NEGR1: variants seen among roughly 807,000 people sequenced by gnomAD.
NEGR1 encodes the protein neuronal growth regulator 1, also known as IgLON family member 4.
A neutral mutation model predicts 40.9 loss-of-function variants in NEGR1; 10 were observed. The observed-to-expected ratio is 0.24, with a 90% confidence interval of 0.15 to 0.42. NEGR1 has a LOEUF of 0.42. Among genes scored for constraint, NEGR1 ranks in the 10% least tolerant of loss-of-function variants. NEGR1 has a pLI of 1.00. For synonymous variants in NEGR1, 185 were observed against 166.8 expected (o/e 1.11, Z -0.84); for missense variants, 352 against 438.9 (o/e 0.80, Z 1.77).
chr1:71,873,051 T>G (rs1660323877), intron 2 of NEGR1, among the ~76,000 whole-genome samples: 1 of 139,812 alleles, frequency 7.2e-6, no homozygotes, highest in Admixed American at 7.6e-5. Context: ...GCTCTACCAC[T>G]CAATTCCTAA....
At chr1:71,792,672 A>G (rs1657160116) in intron 2 of NEGR1, among the ~76,000 whole-genome samples, 1 of 152,098 alleles carries the variant, frequency 6.6e-6, no homozygotes, top group African/African-American at 2.4e-5. Flanking sequence ...TGTATATAAC[A>G]TGGTGCTTTT....
intron 1 of NEGR1, among the ~76,000 whole-genome samples, chr1:71,961,086 T>C (rs1042258169): frequency 8.5e-5 from 13 of 152,164 alleles, no homozygotes; most frequent in Non-Finnish European, 1.5e-4. Flanking sequence ...TATTCTTTTA[T>C]TGCCTATCTA....
chr1:71,807,401 A>T (rs1415671216), intron 2 of NEGR1, among the ~76,000 whole-genome samples: 2 of 152,164 alleles, frequency 1.3e-5, no homozygotes, highest in African/African-American at 4.8e-5. Flanking sequence ...AAAGAACAAT[A>T]AAAAATAACA....
chr1:71,697,905 A>G (rs1653537975), intron 4 of NEGR1, 103 bp downstream of exon 4: 9 of 1,141,592 alleles, frequency 7.9e-6, no homozygotes, highest in Non-Finnish European at 1.1e-5. Flanking sequence ...ATTTTTACCA[A>G]TAGACAACCT....
intron 4 of NEGR1, among the ~76,000 whole-genome samples, chr1:71,616,907 A>C (rs972795816): frequency 6.6e-6 from 1 of 152,230 alleles, no homozygotes; most frequent in Admixed American, 6.5e-5. Context: ...TTAAATTACA[A>C]GTTCTTTGTA....
intron 1 of NEGR1, among the ~76,000 whole-genome samples, chr1:72,068,393 C>T (rs2100505645): frequency 6.6e-6 from 1 of 152,262 alleles, no homozygotes; most frequent in South Asian, 2.1e-4. Context: ...TTACCATATG[C>T]TTATAAAACC....
chr1:71,982,412 G>C (rs1646361738), intron 1 of NEGR1, among the ~76,000 whole-genome samples: 1 of 152,142 alleles, frequency 6.6e-6, no homozygotes, highest in Admixed American at 6.6e-5. Flanking sequence ...ACAGCATCTT[G>C]ATGGTACAAT....
chr1:71,581,762 G>T (rs1649142276), intron 6 of NEGR1, among the ~76,000 whole-genome samples: 1 of 151,392 alleles, frequency 6.6e-6, no homozygotes. Context: ...CAGTGCAGTG[G>T]CGTGTTCTCG....
rs1647650300 is a variant in NEGR1, at chr1:72,074,808, C to G, written c.177-139497G>C. On this transcript the variant is annotated intron_variant, in intron 1 of 6. Transcript: ENST00000357731. ...ATAAATTATCACTCATATTGTAGAA[C>G]CAAAGAAAATGATGATTTCTCCATT... 2.0e-5 allele frequency among the ~76,000 whole-genome samples: 3 copies of G among 152,024 alleles called. No individual in the cohort carries two copies. The South Asian group carries it at 6.2e-4, about 32-fold the overall frequency.
intron 6 of NEGR1, among the ~76,000 whole-genome samples, chr1:71,576,243 C>A (rs935549174): frequency 4.6e-5 from 7 of 152,156 alleles, no homozygotes; most frequent in African/African-American, 1.7e-4. Context: ...GTATAAATGG[C>A]TGCTGTTTTG....
chr1:71,554,961 T>C (rs1304019115), intron 6 of NEGR1, among the ~76,000 whole-genome samples: 1 of 151,542 alleles, frequency 6.6e-6, no homozygotes, highest in Non-Finnish European at 1.5e-5. Flanking sequence ...CCCAAAATAC[T>C]CAACGGTCTT....
At chr1:71,567,126 A>G (rs1294630706) in intron 6 of NEGR1, among the ~76,000 whole-genome samples, 2 of 152,206 alleles carry the variant, frequency 1.3e-5, no homozygotes, top group Non-Finnish European at 1.5e-5. Context: ...AGTGAAACTG[A>G]CAGAAGAGAA....
intron 4 of NEGR1, among the ~76,000 whole-genome samples, chr1:71,613,466 G>C (rs916883991): frequency 7.9e-5 from 12 of 151,922 alleles, no homozygotes; most frequent in African/African-American, 2.9e-4. Context: ...GGCCAACGTG[G>C]TGAAACCCCG....
At chr1:71,941,506 T>C (rs1046046349) in intron 1 of NEGR1, among the ~76,000 whole-genome samples, 5 of 152,164 alleles carry the variant, frequency 3.3e-5, no homozygotes, top group African/African-American at 1.2e-4. Context: ...TTACAACTAC[T>C]CAGACACAGA....
chr1:71,527,920 G>A (rs1223975459), intron 6 of NEGR1, among the ~76,000 whole-genome samples: 1 of 151,188 alleles, frequency 6.6e-6, no homozygotes, highest in Non-Finnish European at 1.5e-5. Context: ...GTTTTTTATT[G>A]TATTGTCTTC....
At chr1:72,250,042 C>T (rs1173538018) in intron 1 of NEGR1, among the ~76,000 whole-genome samples, 1 of 152,134 alleles carries the variant, frequency 6.6e-6, no homozygotes, top group Non-Finnish European at 1.5e-5. Flanking sequence ...ATGTGATTAA[C>T]ATTTAAATCA....
intron 3 of NEGR1, among the ~76,000 whole-genome samples, chr1:71,731,992 G>T (rs915724353): frequency 5.3e-5 from 8 of 152,140 alleles, no homozygotes; most frequent in Non-Finnish European, 5.9e-5. Context: ...CAGTTTTCAT[G>T]AGGCATTGGT....
chr1:71,510,000 G>T (rs1282951550), intron 6 of NEGR1, among the ~76,000 whole-genome samples: 2 of 152,308 alleles, frequency 1.3e-5, no homozygotes, highest in East Asian at 3.9e-4. Context: ...TACTGCCCCA[G>T]ATGGGACCAT....
At chr1:71,995,901 T>C (rs1272619106) in intron 1 of NEGR1, among the ~76,000 whole-genome samples, 3 of 152,204 alleles carry the variant, frequency 2.0e-5, no homozygotes, top group Non-Finnish European at 4.4e-5. Context: ...TTACTTTTAC[T>C]CTTCCTAGTA....
Sources: allele counts gnomAD v4.1 joint callset (sites outside exome capture counted in the v4.1 genomes callset), GRCh38; gene constraint gnomAD v4.1.1; transcripts MANE v1.5; gene names NCBI Gene and HGNC (gene_info 2026-07-23, HGNC 2026-07-21).